The following ANK2 variants were observed in gnomAD, a reference collection of about 807,000 sequenced individuals.
ANK2 encodes the protein ankyrin 2, also known as ankyrin-2.
A neutral mutation model predicts 360.5 loss-of-function variants in ANK2; 83 were observed. The ratio of observed to expected loss-of-function variants is 0.23; its 90% CI spans 0.19 to 0.28. ANK2 has a LOEUF of 0.28. Among genes scored for constraint, ANK2 ranks in the 10% least tolerant of loss-of-function variants. The pLI is 1.00. For synonymous variants in ANK2, 1,740 were observed against 1,759.5 expected, an observed-to-expected ratio of 0.99 and a Z score of 0.28; for missense variants, 4,201 against 4,795.7, an observed-to-expected ratio of 0.88 and a Z score of 3.66.
intron 2 of ANK2, among the ~76,000 whole-genome samples, chr4:113,035,313 C>T: frequency 6.6e-6 from 1 of 151,618 alleles, no homozygotes; most frequent in East Asian, 1.9e-4. Context: ...GCATAGTGAT[C>T]AAAAGAGAAA....
At chr4:112,843,472 A>T (rs2062612188) in intron 1 of ANK2, among the ~76,000 whole-genome samples, 1 of 152,196 alleles carries the variant, frequency 6.6e-6, no homozygotes, top group South Asian at 2.1e-4. Context: ...GAGGTGTTCT[A>T]TGTTAAAAAG....
chr4:112,706,772 A>C, the ANK2 span: 1 of 152,270 alleles, frequency 6.6e-6, no homozygotes, highest in Admixed American at 6.5e-5. Flanking sequence ...TGCATTAGCC[A>C]TGTAGTACAG....
chr4:112,933,835 A>G (rs542582521), intron 2 of ANK2, among the ~76,000 whole-genome samples: 7 of 152,304 alleles, frequency 4.6e-5, no homozygotes, highest in Admixed American at 2.0e-4. Flanking sequence ...ACTCTGAAAA[A>G]AGTAGAAAGT....
At chr4:112,749,263 G>A in the ANK2 span, among the ~76,000 whole-genome samples, 5 of 152,184 alleles carry the variant, frequency 3.3e-5, no homozygotes, top group South Asian at 2.1e-4. Flanking sequence ...TGTACATTGA[G>A]CAGTTATCAC....
intron 45 of ANK2, among the ~76,000 whole-genome samples, chr4:113,379,184 T>C (rs1466132268): frequency 6.6e-6 from 1 of 152,156 alleles, no homozygotes. Context: ...AAAATGCCTT[T>C]TATACTCTCA....
At chr4:112,835,203 C>T (rs1021053003) in intron 1 of ANK2, among the ~76,000 whole-genome samples, 7 of 152,120 alleles carry the variant, frequency 4.6e-5, no homozygotes, top group African/African-American at 1.4e-4. Context: ...GATTACAAAA[C>T]GATTTTTAAA....
At chr4:112,707,330 T>C in the ANK2 span, among the ~76,000 whole-genome samples, 1 of 152,234 alleles carries the variant, frequency 6.6e-6, no homozygotes, top group African/African-American at 2.4e-5. Context: ...AGTAGTGTTA[T>C]ATTAGGGACA....
At chr4:113,227,904 A>C (rs763412376) in intron 4 of ANK2, among the ~76,000 whole-genome samples, 5 of 152,226 alleles carry the variant, frequency 3.3e-5, no homozygotes, top group Non-Finnish European at 5.9e-5. Flanking sequence ...ACTATGATAA[A>C]CTTGAGCTGT....
At chr4:112,707,267 AATTG>A in the ANK2 span, among the ~76,000 whole-genome samples, 1 of 152,210 alleles carries the variant, frequency 6.6e-6, no homozygotes, top group Non-Finnish European at 1.5e-5. Context: ...GTGACAGTAA[AATTG>A]ATTGATGCCT....
At position 112,890,336 on chromosome 4, in the gene ANK2, T is replaced by C. The variant is rs372219875; in HGVS notation, c.-39-14119T>C. On this transcript the variant is annotated intron_variant, in intron 1 of 30. Coordinates refer to the ANK2 transcript ENST00000503271. ...GCTCCTCAGTCTTTGAAGTACCAGATTCTAGAATAAAATTAAATAGTATTC... is the reference window on the plus strand; with the variant it reads ...GCTCCTCAGTCTTTGAAGTACCAGACTCTAGAATAAAATTAAATAGTATTC... Among the ~76,000 whole-genome samples the C allele has an allele frequency of 1.0e-3, 158 of 152,322 alleles. 2 individuals carry two copies. In the South Asian group the frequency reaches 0.032, roughly 31 times the overall value.
intron 1 of ANK2, among the ~76,000 whole-genome samples, chr4:113,168,048 T>C (rs2097810767): frequency 1.3e-5 from 2 of 152,302 alleles, no homozygotes; most frequent in African/African-American, 4.8e-5. Context: ...TAATCTTAAT[T>C]AATGCTTTGA....
intron 2 of ANK2, among the ~76,000 whole-genome samples, chr4:113,003,998 CAAT>C (rs1490519865): frequency 6.6e-6 from 1 of 152,112 alleles, no homozygotes; most frequent in Admixed American, 6.5e-5. Context: ...AAAAGATAAA[CAAT>C]GATACATCGG....
intron 1 of ANK2, among the ~76,000 whole-genome samples, chr4:112,829,145 T>C (rs900622237): frequency 2.0e-5 from 3 of 152,172 alleles, no homozygotes; most frequent in South Asian, 4.1e-4. Flanking sequence ...AGAGCAGGAC[T>C]CTGTCTCAAA....
At chr4:113,266,314 C>T (rs2056015098) in intron 14 of ANK2, among the ~76,000 whole-genome samples, 1 of 152,188 alleles carries the variant, frequency 6.6e-6, no homozygotes. Flanking sequence ...CATAGTATTC[C>T]ATGGTGTATA....
chr4:113,379,479 G>T (rs1376998279), intron 45 of ANK2, among the ~76,000 whole-genome samples: 1 of 152,068 alleles, frequency 6.6e-6, no homozygotes, highest in Non-Finnish European at 1.5e-5. Context: ...AAACACATTG[G>T]CCTACATTTG....
At chr4:112,878,155 C>CATCTATCTATCTATCTATCTATCT (rs10525579) in intron 1 of ANK2, among the ~76,000 whole-genome samples, 12,425 of 147,500 alleles carry the variant, frequency 0.084, 677 homozygotes, top group African/African-American at 0.14. Context: ...ACTTTAGACT[C>CATCTATCTATCTATCTATCTATCT]ATCTATCTAT....
chr4:112,952,640 G>C (rs1256155177), intron 2 of ANK2, among the ~76,000 whole-genome samples: 1 of 152,126 alleles, frequency 6.6e-6, no homozygotes, highest in Non-Finnish European at 1.5e-5. Flanking sequence ...TGTGTTTTAA[G>C]CCTTTGAGCA....
intron 2 of ANK2, among the ~76,000 whole-genome samples, chr4:113,183,169 T>C (rs2098450758): frequency 6.6e-6 from 1 of 151,996 alleles, no homozygotes; most frequent in Non-Finnish European, 1.5e-5. Flanking sequence ...GCTTCTGTTT[T>C]TTTCAGCGAA....
intron 1 of ANK2, chr4:113,107,043 T>G (rs2093712818): frequency 2.4e-6 from 1 of 408,578 alleles, no homozygotes; most frequent in Admixed American, 3.0e-5. Context: ...GAAACAAAGC[T>G]TTTGTGAGGC....
Sources: gnomAD v4.1 joint callset for allele counts (sites outside exome capture counted in the v4.1 genomes callset) on GRCh38, gnomAD v4.1.1 for gene constraint, MANE v1.5 for transcripts, NCBI Gene and HGNC (gene_info 2026-07-23, HGNC 2026-07-21) for gene names.